The following SOCS2 variants were observed in gnomAD, a reference collection of about 807,000 sequenced individuals.
The protein encoded by SOCS2 is CIS-2.
A neutral mutation model predicts 18.6 loss-of-function variants in SOCS2; 10 were observed. The observed-to-expected ratio is 0.54, with a 90% CI of 0.33 to 0.91. The LOEUF (loss-of-function observed/expected upper bound fraction) is 0.91. Ranked by LOEUF, SOCS2 falls within the 40% of genes least tolerant of loss-of-function variation. SOCS2 has a pLI of 0.02. For synonymous variants in SOCS2, 104 were observed against 104.0 expected (o/e 1.00, Z 0.00); for missense variants, 231 against 247.2 (o/e 0.93, Z 0.44).
At chr12:93,621,896 A>G in the SOCS2 span, among the ~76,000 whole-genome samples, 1 of 152,220 alleles carries the variant, frequency 6.6e-6, no homozygotes, top group Admixed American at 6.5e-5. Context: ...TATGAACACC[A>G]AAGTGGTGAA....
intron 1 of SOCS2, chr12:93,573,381 G>T: frequency 2.1e-6 from 1 of 482,174 alleles, no homozygotes; most frequent in Non-Finnish European, 3.6e-6. Flanking sequence ...CTTTGCACGG[G>T]GTGCAATCAG....
At position 93,572,826 on chromosome 12, in the gene SOCS2, A is replaced by G; in HGVS notation, c.-72A>G. ...CGTTTTGGGATTCGCACTGACTTCA[A>G]GGAAGGACGCGAACCCTTCTCTGAC... On this transcript the variant is annotated 5_prime_UTR_variant, in exon 1 of 2. Transcript: ENST00000551556. This position sits in a 1 kb window ranked among gnomAD's most constrained non-coding sequence, Gnocchi z 5.0. The G allele has an allele frequency of 6.5e-7, 1 of 1,547,206 alleles. No homozygotes were observed. Among genetic ancestry groups the G allele is most frequent in the Non-Finnish European group, 8.7e-7 (1 of 1,143,806 alleles).
chr12:93,602,557 A>G, the SOCS2 span, among the ~76,000 whole-genome samples: 2 of 152,202 alleles, frequency 1.3e-5, no homozygotes, highest in Non-Finnish European at 2.9e-5. Flanking sequence ...TTTCCAATTA[A>G]GATTCAAAGG....
downstream of SOCS2, among the ~76,000 whole-genome samples, chr12:93,578,068 G>A (rs560879326): frequency 6.6e-6 from 1 of 152,176 alleles, no homozygotes; most frequent in Non-Finnish European, 1.5e-5. Context: ...ATGAGGCAGT[G>A]CAGTTTTTCA....
chr12:93,594,262 C>A, the SOCS2 span, among the ~76,000 whole-genome samples: 4 of 152,068 alleles, frequency 2.6e-5, no homozygotes, highest in Admixed American at 6.5e-5. Flanking sequence ...AAGGATAATG[C>A]AGAGAATGTC....
the SOCS2 span, among the ~76,000 whole-genome samples, chr12:93,600,633 AT>A: frequency 7.9e-5 from 12 of 151,302 alleles, no homozygotes; most frequent in African/African-American, 2.7e-4. Context: ...ATTTATAGAG[AT>A]TTTTTTATGT....
At chr12:93,617,709 A>G in the SOCS2 span, among the ~76,000 whole-genome samples, 1 of 152,126 alleles carries the variant, frequency 6.6e-6, no homozygotes, top group Admixed American at 6.5e-5. Flanking sequence ...AAAAAAATAG[A>G]GTTTTCACAA....
At chr12:93,608,456 T>C in the SOCS2 span, among the ~76,000 whole-genome samples, 2 of 152,170 alleles carry the variant, frequency 1.3e-5, no homozygotes, top group Admixed American at 1.3e-4. Flanking sequence ...TTCTTCATGC[T>C]AGATGAGTCA....
the SOCS2 span, among the ~76,000 whole-genome samples, chr12:93,623,135 G>T: frequency 6.6e-6 from 1 of 152,068 alleles, no homozygotes; most frequent in Non-Finnish European, 1.5e-5. Flanking sequence ...GGGCCTGGTG[G>T]GAAGCAATTG....
At chr12:93,597,169 C>A in the SOCS2 span, among the ~76,000 whole-genome samples, 1 of 152,014 alleles carries the variant, frequency 6.6e-6, no homozygotes, top group Non-Finnish European at 1.5e-5. Context: ...TAGTTCTGTG[C>A]CATTTTATTA....
chr12:93,615,916 G>T, the SOCS2 span, among the ~76,000 whole-genome samples: 1 of 152,180 alleles, frequency 6.6e-6, no homozygotes, highest in Non-Finnish European at 1.5e-5. Context: ...AAGTAGAAAG[G>T]ACCTTAGAGG....
chr12:93,584,792 C>T (rs1193444318), downstream of SOCS2, among the ~76,000 whole-genome samples: 3 of 151,478 alleles, frequency 2.0e-5, no homozygotes, highest in Non-Finnish European at 2.9e-5. Flanking sequence ...GACGGAGTTT[C>T]GCTTTTGTTG....
chr12:93,587,595 C>A (rs1040736514), downstream of SOCS2, among the ~76,000 whole-genome samples: 3 of 151,212 alleles, frequency 2.0e-5, no homozygotes, highest in African/African-American at 7.3e-5. Flanking sequence ...GCAGGAGAAT[C>A]GCTTGAACCT....
downstream of SOCS2, among the ~76,000 whole-genome samples, chr12:93,588,321 G>T (rs1164911870): frequency 1.3e-5 from 2 of 152,068 alleles, no homozygotes; most frequent in Non-Finnish European, 2.9e-5. Context: ...GCCATAAATT[G>T]TTACTTAATG....
the SOCS2 span, among the ~76,000 whole-genome samples, chr12:93,611,521 G>T: frequency 6.6e-5 from 10 of 152,196 alleles, no homozygotes; most frequent in Admixed American, 6.5e-5. Context: ...ATGTGCATGA[G>T]CCACCTCGTC....
Position 93,574,795 on chromosome 12 carries a change from G to T in SOCS2, c.213G>T (p.Leu71Phe), listed in dbSNP as rs762344209. The T allele has an allele frequency of 6.2e-7, 1 of 1,614,172 alleles. No homozygotes were observed. The highest frequency in any genetic ancestry group is 1.1e-5 in the South Asian group (1 of 91,080). Residue 71 changes from leucine (L) to phenylalanine (F), a missense_variant, in exon 2 of 2, where the codon TTG becomes TTT. Physicochemically the swap from Leu to Phe is conservative, Grantham distance 22 (BLOSUM62 0). Transcript: ENST00000551556. ...KLKEAPEGTF[L>F]IRDSSHSDYL... ...AAGAGGCACCAGAAGGAACTTTCTT[G>T]ATTAGAGATAGCTCGCATTCAGACT...
the SOCS2 span, among the ~76,000 whole-genome samples, chr12:93,614,361 CCTT>C: frequency 8.1e-6 from 1 of 123,660 alleles, no homozygotes; most frequent in Non-Finnish European, 1.6e-5. Context: ...TAGCAATTTT[CCTT>C]CTTTCTTTCT....
the SOCS2 span, among the ~76,000 whole-genome samples, chr12:93,614,586 TC>T: frequency 9.7e-6 from 1 of 103,066 alleles, no homozygotes; most frequent in Non-Finnish European, 1.9e-5. Flanking sequence ...TTTCTTTCTT[TC>T]TTTCTTTCTT....
At chr12:93,616,184 A>G in the SOCS2 span, among the ~76,000 whole-genome samples, 3 of 152,208 alleles carry the variant, frequency 2.0e-5, no homozygotes, top group Admixed American at 6.5e-5. Context: ...CAGAAGGCCA[A>G]TCAAAGCCAG....
Sources: allele counts gnomAD v4.1 joint callset (sites outside exome capture counted in the v4.1 genomes callset), GRCh38; gene constraint gnomAD v4.1.1; non-coding constraint Gnocchi (gnomAD v3.1); transcripts MANE v1.5; gene names NCBI Gene and HGNC (gene_info 2026-07-23, HGNC 2026-07-21).